Variants in GFRA1 observed in about 807,000 individuals in gnomAD.
The protein encoded by GFRA1 is GDNF family receptor alpha-1.
In GFRA1, 16 loss-of-function variants were observed where a neutral mutation model predicts 51.6. That is an observed-to-expected ratio of 0.31 (90% CI 0.21 to 0.47). GFRA1 has a LOEUF of 0.47. Among genes scored for constraint, GFRA1 ranks in the 20% least tolerant of loss-of-function variants. GFRA1 has a pLI of 1.00. For synonymous variants in GFRA1, 270 were observed against 241.3 expected, an observed-to-expected ratio of 1.12 and a Z score of -1.10; for missense variants, 530 against 594.3, an observed-to-expected ratio of 0.89 and a Z score of 1.13.
At chr10:116,223,073 C>T (rs1246694912) in intron 4 of GFRA1, among the ~76,000 whole-genome samples, 1 of 151,958 alleles carries the variant, frequency 6.6e-6, no homozygotes, top group Non-Finnish European at 1.5e-5. Flanking sequence ...ATCAATAGCC[C>T]GTGGATACTG....
At chr10:116,107,086 T>C (rs1338869292) in intron 6 of GFRA1, among the ~76,000 whole-genome samples, 2 of 152,296 alleles carry the variant, frequency 1.3e-5, no homozygotes, top group African/African-American at 4.8e-5. Flanking sequence ...CTTTTCTTTA[T>C]AAATTACCCA....
At chr10:116,105,627 G>A (rs1432045656) in intron 6 of GFRA1, among the ~76,000 whole-genome samples, 1 of 152,136 alleles carries the variant, frequency 6.6e-6, no homozygotes, top group Non-Finnish European at 1.5e-5. Context: ...AGAGAATTGG[G>A]GACCACAGAA....
intron 5 of GFRA1, among the ~76,000 whole-genome samples, chr10:116,196,587 A>G (rs1963801420): frequency 6.3e-5 from 1 of 15,766 alleles, no homozygotes; most frequent in Non-Finnish European, 2.2e-4. Context: ...AATATATAGT[A>G]CTATATATAA....
At chr10:116,111,991 A>G (rs1051964034) in intron 6 of GFRA1, among the ~76,000 whole-genome samples, 1 of 152,206 alleles carries the variant, frequency 6.6e-6, no homozygotes, top group African/African-American at 2.4e-5. Flanking sequence ...AGCACCTGGA[A>G]GTCTGGTCCT....
At chr10:116,142,131 G>C (rs201890655) in intron 5 of GFRA1, among the ~76,000 whole-genome samples, 1 of 34,866 alleles carries the variant, frequency 2.9e-5, no homozygotes, top group South Asian at 1.2e-3. Context: ...AAGCAGTGCA[G>C]GATTATTCAT....
intron 5 of GFRA1, among the ~76,000 whole-genome samples, chr10:116,171,409 A>T (rs900546094): frequency 1.3e-5 from 2 of 152,224 alleles, no homozygotes; most frequent in African/African-American, 4.8e-5. Context: ...AGACCCAACT[A>T]TAATTTTAAT....
intron 5 of GFRA1, among the ~76,000 whole-genome samples, chr10:116,140,854 C>A (rs1958534290): frequency 6.6e-6 from 1 of 152,174 alleles, no homozygotes; most frequent in African/African-American, 2.4e-5. Context: ...ATCACAATCA[C>A]CTGCTGAAGC....
Position 116,272,703 on chromosome 10 carries a change from G to C in GFRA1, c.-246-428C>G, listed in dbSNP as rs1241380610. ...CCTCCCCCTCCTCGCGTCAGCCAGC[G>C]AGCTCGCTCAGCCGCCGGCCCTCCC... On this transcript the variant is annotated intron_variant, in intron 1 of 10. Transcript: ENST00000355422. The surrounding 1 kb of genome is among the most constrained non-coding windows in gnomAD (Gnocchi z 4.4). 6.6e-6 allele frequency: 1 copy of C among 152,418 alleles called. No homozygotes were observed. Among genetic ancestry groups the C allele is most frequent in the African/African-American group, 2.4e-5 (1 of 41,338 alleles). 9.4% of individuals were successfully genotyped at this position (152,418 alleles called of 1,614,324 possible). A position where few individuals can be genotyped will look rare whatever the true frequency, so the allele number is the denominator to read the frequency against.
Position 116,069,829 on chromosome 10 carries a change from C to T in GFRA1, c.1198-4203G>A, listed in dbSNP as rs74158561. Among the ~76,000 whole-genome samples the T allele has an allele frequency of 5.8e-3, 877 of 152,282 alleles. 13 individuals carry two copies. The highest frequency in any genetic ancestry group is 0.02 in the African/African-American group (814 of 41,562). Reference sequence around the variant, plus strand: ...GCCCAGTCCCTACGTGGGTTCTGCCCACAGCAGGCTCTCCCCAAGCTCTGG... The same window carrying T: ...GCCCAGTCCCTACGTGGGTTCTGCCTACAGCAGGCTCTCCCCAAGCTCTGG... On this transcript the variant is annotated intron_variant, in intron 9 of 10. Transcript: ENST00000355422.
chr10:116,209,926 T>A (rs1198392226), intron 5 of GFRA1, among the ~76,000 whole-genome samples: 1 of 152,118 alleles, frequency 6.6e-6, no homozygotes, highest in East Asian at 1.9e-4. Context: ...CAAGTTCAGT[T>A]CCTTCCATTT....
At chr10:116,102,785 G>A (rs949367774) in intron 6 of GFRA1, among the ~76,000 whole-genome samples, 2 of 152,144 alleles carry the variant, frequency 1.3e-5, no homozygotes, top group African/African-American at 4.8e-5. Flanking sequence ...TGGGAATTAT[G>A]GAAGCTACAA....
chr10:116,226,544 G>A, intron 4 of GFRA1, among the ~76,000 whole-genome samples: 1 of 152,178 alleles, frequency 6.6e-6, no homozygotes, highest in Middle Eastern at 3.4e-3. Context: ...TTTTGCTTCT[G>A]CTTCTCTAGA....
intron 4 of GFRA1, among the ~76,000 whole-genome samples, chr10:116,246,126 C>G (rs1371589993): frequency 6.6e-6 from 1 of 152,098 alleles, no homozygotes; most frequent in Non-Finnish European, 1.5e-5. Context: ...AACAAATGCA[C>G]CACACTAAAG....
rs542156632 is a variant in GFRA1 at position 116,209,871 on chromosome 10, G to A, written c.433+1760C>T. ...TATTTTAGAGAATGTGTCTCCATAC[G>A]AAATGGTCCAATATGGCCAGAGCCA... On this transcript the variant is annotated intron_variant, in intron 5 of 10. Transcript: ENST00000355422. Among the ~76,000 whole-genome samples, 203 of 152,134 alleles carry A rather than the reference G, an allele frequency of 1.3e-3. 1 individual carries two copies. The highest frequency in any genetic ancestry group is 4.6e-3 in the African/African-American group (190 of 41,524).
intron 6 of GFRA1, among the ~76,000 whole-genome samples, chr10:116,116,412 T>C (rs1429347195): frequency 1.3e-5 from 2 of 152,256 alleles, no homozygotes; most frequent in African/African-American, 2.4e-5. Context: ...AAAGAATTCA[T>C]CTGCTCTGTG....
intron 5 of GFRA1, among the ~76,000 whole-genome samples, chr10:116,183,956 T>C (rs1962471296): frequency 6.6e-6 from 1 of 152,160 alleles, no homozygotes; most frequent in Non-Finnish European, 1.5e-5. Flanking sequence ...ATTTACTAGG[T>C]GAAGGTCACT....
chr10:116,156,909 C>A (rs1178568125), intron 5 of GFRA1, among the ~76,000 whole-genome samples: 2 of 152,106 alleles, frequency 1.3e-5, no homozygotes, highest in Admixed American at 1.3e-4. Flanking sequence ...CAAGGGGGTG[C>A]CCTCATTTAT....
intron 4 of GFRA1, among the ~76,000 whole-genome samples, chr10:116,237,020 T>C (rs1246889872): frequency 6.6e-6 from 1 of 152,250 alleles, no homozygotes; most frequent in Non-Finnish European, 1.5e-5. Flanking sequence ...CATTATTTTA[T>C]AAGAAGTAAT....
At chr10:116,227,809 T>C (rs1394250897) in intron 4 of GFRA1, among the ~76,000 whole-genome samples, 2 of 152,226 alleles carry the variant, frequency 1.3e-5, no homozygotes, top group East Asian at 1.9e-4. Context: ...TGCTCATAAA[T>C]GAGAGTGTAC....
Sources: allele counts gnomAD v4.1 joint callset (sites outside exome capture counted in the v4.1 genomes callset), GRCh38; gene constraint gnomAD v4.1.1; non-coding constraint Gnocchi (gnomAD v3.1); transcripts MANE v1.5; gene names NCBI Gene and HGNC (gene_info 2026-07-23, HGNC 2026-07-21).